The following CNTNAP5 variants were observed in gnomAD, a reference collection of about 807,000 sequenced individuals.
The protein encoded by CNTNAP5 is contactin associated protein family member 5.
In CNTNAP5, 72 loss-of-function variants were observed where a neutral mutation model predicts 150.2. The ratio of observed to expected loss-of-function variants is 0.48; its 90% CI spans 0.40 to 0.58. CNTNAP5 has a LOEUF of 0.58. Ranked by LOEUF, CNTNAP5 falls within the 20% of genes least tolerant of loss-of-function variation. CNTNAP5 has a pLI of 0.00. For synonymous variants in CNTNAP5, 672 were observed against 619.8 expected (o/e 1.08, Z -1.25); for missense variants, 1,636 against 1,626.2 (o/e 1.01, Z -0.10).
At chr2:124,148,699 C>T (rs1684322649) in intron 1 of CNTNAP5, among the ~76,000 whole-genome samples, 1 of 150,248 alleles carries the variant, frequency 6.7e-6, no homozygotes, top group Admixed American at 6.7e-5. Flanking sequence ...TGCACTATTG[C>T]ATATATATCA....
intron 2 of CNTNAP5, among the ~76,000 whole-genome samples, chr2:124,225,953 C>T (rs923105701): frequency 6.6e-6 from 1 of 152,070 alleles, no homozygotes; most frequent in Non-Finnish European, 1.5e-5. Flanking sequence ...GGCAGGTTTT[C>T]TTTTTTATGG....
In CNTNAP5 at chr2:124,170,520, T is replaced by G. The variant is rs1391462956; in HGVS notation, c.83-51185T>G. On this transcript the variant is annotated intron_variant, in intron 1 of 23. Transcript: ENST00000682447. Reference sequence around the variant, plus strand: ...TCACACAGCCAGTGTCCTCTGCCATTCTATGAAAGGCAGGCAAGAGTGCCG... The same window carrying G: ...TCACACAGCCAGTGTCCTCTGCCATGCTATGAAAGGCAGGCAAGAGTGCCG... Among the ~76,000 whole-genome samples, 4 of 152,108 alleles carry G rather than the reference T, an allele frequency of 2.6e-5. 1 individual carries two copies. Among genetic ancestry groups the G allele is most frequent in the Non-Finnish European group, 5.9e-5 (4 of 68,026 alleles).
intron 3 of CNTNAP5, among the ~76,000 whole-genome samples, chr2:124,255,967 T>C (rs1248707928): frequency 6.6e-6 from 1 of 152,154 alleles, no homozygotes; most frequent in African/African-American, 2.4e-5. Flanking sequence ...ACAAGATTGT[T>C]TGAAAAAAAT....
chr2:124,399,098 C>T (rs1691339436), intron 3 of CNTNAP5, among the ~76,000 whole-genome samples: 1 of 152,084 alleles, frequency 6.6e-6, no homozygotes, highest in South Asian at 2.1e-4. Context: ...TTCCATTATT[C>T]TTCTTGTGTT....
intron 13 of CNTNAP5, among the ~76,000 whole-genome samples, chr2:124,707,202 A>AAGAAGAAGG (rs1679708249): frequency 6.9e-6 from 1 of 144,918 alleles, no homozygotes; most frequent in African/African-American, 2.6e-5. Flanking sequence ...GAAGAAGAAG[A>AAGAAGAAGG]AGAATAAACA....
At chr2:124,759,214 G>A (rs1442841351) in intron 14 of CNTNAP5, among the ~76,000 whole-genome samples, 1 of 151,596 alleles carries the variant, frequency 6.6e-6, no homozygotes, top group Non-Finnish European at 1.5e-5. Context: ...GAATCATCAA[G>A]ATCTAAGTGG....
chr2:124,314,295 G>C (rs1311086393), intron 3 of CNTNAP5, among the ~76,000 whole-genome samples: 1 of 152,114 alleles, frequency 6.6e-6, no homozygotes, highest in Non-Finnish European at 1.5e-5. Context: ...AGTCTTCAGG[G>C]GTAAAGGAAA....
intron 17 of CNTNAP5, among the ~76,000 whole-genome samples, chr2:124,786,824 G>A (rs1238331512): frequency 6.6e-6 from 1 of 152,006 alleles, no homozygotes; most frequent in African/African-American, 2.4e-5. Context: ...TAGGTAAAAA[G>A]GGCCGCTTTT....
chr2:124,660,430 A>G (rs1409523126), intron 13 of CNTNAP5, among the ~76,000 whole-genome samples: 2 of 152,226 alleles, frequency 1.3e-5, no homozygotes, highest in African/African-American at 2.4e-5. Context: ...AGTGCTGTCC[A>G]ATGAAAATAT....
At chr2:124,099,347 C>A (rs1683012197) in intron 1 of CNTNAP5, among the ~76,000 whole-genome samples, 1 of 152,176 alleles carries the variant, frequency 6.6e-6, no homozygotes, top group Admixed American at 6.5e-5. Context: ...CATCTGTCTT[C>A]ATATTTACTG....
intron 7 of CNTNAP5, among the ~76,000 whole-genome samples, chr2:124,491,785 C>G (rs1249174904): frequency 6.6e-6 from 1 of 151,918 alleles, no homozygotes; most frequent in African/African-American, 2.4e-5. Context: ...TAGCAGCCAC[C>G]CTAACAGGTA....
chr2:124,651,784 G>C (rs1481198380), intron 13 of CNTNAP5, among the ~76,000 whole-genome samples: 2 of 152,188 alleles, frequency 1.3e-5, no homozygotes, highest in East Asian at 3.9e-4. Flanking sequence ...GGAGTTGTCA[G>C]GGTTGCCTGA....
At chr2:124,525,063 T>G (rs1694933093) in intron 9 of CNTNAP5, among the ~76,000 whole-genome samples, 1 of 152,172 alleles carries the variant, frequency 6.6e-6, no homozygotes, top group South Asian at 2.1e-4. Context: ...CCTGGGAACC[T>G]TTCCAATGAC....
chr2:124,255,108 C>G (rs1302726355), intron 3 of CNTNAP5, among the ~76,000 whole-genome samples: 1 of 152,084 alleles, frequency 6.6e-6, no homozygotes, highest in Non-Finnish European at 1.5e-5. Context: ...GAATAAGCAG[C>G]CAGGTGTGGT....
At chr2:124,420,840 A>G (rs895557511) in intron 4 of CNTNAP5, among the ~76,000 whole-genome samples, 18 of 152,172 alleles carry the variant, frequency 1.2e-4, no homozygotes, top group African/African-American at 4.3e-4. Flanking sequence ...CCTTGCAATT[A>G]GTCTCTTAAT....
At chr2:124,025,791 A>G in intron 1 of CNTNAP5, 59 bp downstream of exon 1, 1 of 1,315,880 alleles carries the variant, frequency 7.6e-7, no homozygotes, top group Non-Finnish European at 1.1e-6. Context: ...ATTCAGAAAG[A>G]CAATCAACTA....
intron 22 of CNTNAP5, among the ~76,000 whole-genome samples, chr2:124,909,077 GAGT>G: frequency 6.6e-6 from 1 of 152,236 alleles, no homozygotes; most frequent in African/African-American, 2.4e-5. Flanking sequence ...TGTAGCCTAA[GAGT>G]AAAGTGTTTA....
chr2:124,574,262 T>A (rs1192628562), intron 11 of CNTNAP5, among the ~76,000 whole-genome samples: 1 of 152,182 alleles, frequency 6.6e-6, no homozygotes, highest in African/African-American at 2.4e-5. Flanking sequence ...GGCAAGTCAC[T>A]TACTTTTTGT....
At chr2:124,821,638 C>A (rs1357944529) in intron 19 of CNTNAP5, among the ~76,000 whole-genome samples, 1 of 152,106 alleles carries the variant, frequency 6.6e-6, no homozygotes, top group Non-Finnish European at 1.5e-5. Flanking sequence ...AAGTGAACAG[C>A]GACTTCAGTG....
Sources: gnomAD v4.1 joint callset for allele counts (sites outside exome capture counted in the v4.1 genomes callset) on GRCh38, gnomAD v4.1.1 for gene constraint, MANE v1.5 for transcripts, NCBI Gene and HGNC (gene_info 2026-07-23, HGNC 2026-07-21) for gene names.